The following SBF2 variants were observed in gnomAD, a reference collection of about 807,000 sequenced individuals.
SBF2 encodes the protein SET binding factor 2.
SBF2 carries 112 observed loss-of-function variants against 225.2 expected under a neutral mutation model. That is an observed-to-expected ratio of 0.50 (90% CI 0.43 to 0.58). The LOEUF is 0.58. Among genes scored for constraint, SBF2 ranks in the 20% least tolerant of loss-of-function variants. The probability of loss-of-function intolerance (pLI) is 0.00; values close to 1 mark genes in which losing one functional copy is unlikely to be tolerated. For missense variants in SBF2, 1,996 were observed against 2,206.2 expected (o/e 0.90, Z 1.91); for synonymous variants, 763 against 773.3 (o/e 0.99, Z 0.22).
At chr11:10,214,329 A>C (rs764011144) in intron 1 of SBF2, among the ~76,000 whole-genome samples, 3 of 152,216 alleles carry the variant, frequency 2.0e-5, no homozygotes, top group Non-Finnish European at 4.4e-5. Context: ...AGTGGAGTTA[A>C]AAACAGCCAA....
chr11:9,875,917 GTTA>G (rs1230088472), intron 17 of SBF2, among the ~76,000 whole-genome samples: 1 of 93,528 alleles, frequency 1.1e-5, no homozygotes, highest in Non-Finnish European at 2.9e-5. Flanking sequence ...CACTTAACTT[GTTA>G]TTAAGTGTAA....
chr11:10,048,498 C>A (rs566967886), intron 2 of SBF2, among the ~76,000 whole-genome samples: 1 of 152,018 alleles, frequency 6.6e-6, no homozygotes, highest in South Asian at 2.1e-4. Context: ...TTGAAAAGGC[C>A]CTTGATGAGG....
chr11:10,271,975 G>A, intron 1 of SBF2: 1 of 752,828 alleles, frequency 1.3e-6, no homozygotes, highest in Non-Finnish European at 2.0e-6. Context: ...TTAGGTAAAA[G>A]TGTTTTCTTG....
chr11:10,178,207 G>A (rs1372910566), intron 2 of SBF2, among the ~76,000 whole-genome samples: 6 of 148,738 alleles, frequency 4.0e-5, no homozygotes. Flanking sequence ...ATGGATTAAA[G>A]ACTTAAACGT....
intron 1 of SBF2, among the ~76,000 whole-genome samples, chr11:10,225,289 A>T (rs1470537969): frequency 1.3e-5 from 2 of 152,084 alleles, no homozygotes; most frequent in Non-Finnish European, 2.9e-5. Flanking sequence ...TGTTTCAACA[A>T]ACAAAAATAA....
chr11:9,985,538 G>T (rs1947163148), intron 13 of SBF2, among the ~76,000 whole-genome samples: 2 of 152,050 alleles, frequency 1.3e-5, no homozygotes, highest in Admixed American at 1.3e-4. Flanking sequence ...GGCAAGGCTG[G>T]TCTCAAACTC....
At chr11:9,945,207 T>G (rs762047270) in intron 16 of SBF2, among the ~76,000 whole-genome samples, 4 of 152,044 alleles carry the variant, frequency 2.6e-5, no homozygotes. Context: ...ACCACAAAAC[T>G]ATGGTAACCA....
intron 7 of SBF2, 65 bp downstream of exon 7, chr11:10,002,492 T>C: frequency 7.6e-7 from 1 of 1,308,764 alleles, no homozygotes; most frequent in Non-Finnish European, 1.1e-6. Flanking sequence ...CATAACATTA[T>C]GACTTATCAA....
chr11:10,042,516 A>C (rs1027012005), intron 3 of SBF2, among the ~76,000 whole-genome samples: 22 of 152,232 alleles, frequency 1.4e-4, no homozygotes, highest in Non-Finnish European at 2.6e-4. Context: ...TCCACATTCT[A>C]TGAAAGACCT....
intron 2 of SBF2, among the ~76,000 whole-genome samples, chr11:10,171,993 T>C (rs1349124515): frequency 6.6e-6 from 1 of 152,188 alleles, no homozygotes; most frequent in East Asian, 1.9e-4. Context: ...TTGTAACGTC[T>C]TCTTTTTAAT....
At chr11:10,209,421 T>C (rs1317108063) in intron 1 of SBF2, among the ~76,000 whole-genome samples, 11 of 151,964 alleles carry the variant, frequency 7.2e-5, no homozygotes, top group Non-Finnish European at 1.5e-4. Context: ...TCAACTCTTC[T>C]CTCAAACGCA....
chr11:10,071,212 T>C (rs1318186020), intron 2 of SBF2, among the ~76,000 whole-genome samples: 1 of 151,904 alleles, frequency 6.6e-6, no homozygotes, highest in Non-Finnish European at 1.5e-5. Flanking sequence ...ATAGAAGTGG[T>C]GAGAGAGGGC....
intron 16 of SBF2, among the ~76,000 whole-genome samples, chr11:9,952,052 T>G (rs1249742212): frequency 2.0e-5 from 3 of 152,232 alleles, no homozygotes; most frequent in Non-Finnish European, 4.4e-5. Flanking sequence ...GTCACATTTC[T>G]CAGAGAACAG....
chr11:10,012,744 T>C (rs1948504960), intron 6 of SBF2, among the ~76,000 whole-genome samples: 2 of 152,202 alleles, frequency 1.3e-5, no homozygotes, highest in South Asian at 4.1e-4. Flanking sequence ...TTATAAATAA[T>C]ATACTGCACT....
intron 2 of SBF2, among the ~76,000 whole-genome samples, chr11:10,174,863 T>A (rs1247592839): frequency 1.3e-5 from 2 of 151,054 alleles, no homozygotes; most frequent in East Asian, 4.0e-4. Context: ...TATTCAACAT[T>A]CTTAAAGAAA....
intron 16 of SBF2, among the ~76,000 whole-genome samples, chr11:9,936,248 A>G (rs1221992679): frequency 3.3e-5 from 5 of 152,372 alleles, no homozygotes; most frequent in Admixed American, 2.0e-4. Flanking sequence ...CAAAACCACA[A>G]TGAGATACCA....
intron 36 of SBF2, among the ~76,000 whole-genome samples, chr11:9,786,861 G>T (rs988999898): frequency 2.0e-5 from 3 of 152,218 alleles, no homozygotes; most frequent in African/African-American, 7.2e-5. Context: ...TGGGGTATGA[G>T]AAGCAGAAAA....
intron 26 of SBF2, chr11:9,838,833 T>C (rs1229559357): frequency 1.3e-5 from 2 of 152,302 alleles, no homozygotes; most frequent in African/African-American, 2.4e-5. Flanking sequence ...TATTTACATA[T>C]AGTAAAGCAT....
At chr11:10,026,457 G>A (rs1456857350) in intron 6 of SBF2, among the ~76,000 whole-genome samples, 1 of 152,120 alleles carries the variant, frequency 6.6e-6, no homozygotes, top group Admixed American at 6.5e-5. Context: ...CAGGCTGCAT[G>A]CAGTGGCTCA....
Sources: gnomAD v4.1 joint callset for allele counts (sites outside exome capture counted in the v4.1 genomes callset) on GRCh38, gnomAD v4.1.1 for gene constraint, MANE v1.5 for transcripts, NCBI Gene and HGNC (gene_info 2026-07-23, HGNC 2026-07-21) for gene names.